Variants in SCUBE1 observed in about 807,000 individuals in gnomAD.
SCUBE1 encodes the protein signal peptide, CUB domain and EGF like domain containing 1.
A neutral mutation model predicts 124.4 loss-of-function variants in SCUBE1; 59 were observed. The observed-to-expected ratio is 0.47, with a 90% CI of 0.38 to 0.59. The LOEUF is 0.59. Ranked by LOEUF, SCUBE1 falls within the 20% of genes least tolerant of loss-of-function variation. The pLI is 0.00. For synonymous variants in SCUBE1, 545 were observed against 550.9 expected, an observed-to-expected ratio of 0.99 and a Z score of 0.15; for missense variants, 1,150 against 1,371.2, an observed-to-expected ratio of 0.84 and a Z score of 2.55.
intron 6 of SCUBE1, among the ~76,000 whole-genome samples, chr22:43,247,812 G>A (rs1923277528): frequency 6.6e-6 from 1 of 152,246 alleles, no homozygotes; most frequent in African/African-American, 2.4e-5. Context: ...GGCTCCTCCT[G>A]AGAATGCAGG....
rs1912157120 is a variant in SCUBE1 at position 43,332,900 on chromosome 22, T to C, written c.220+6204A>G. On this transcript the variant is annotated intron_variant, in intron 2 of 21. Coordinates refer to ENST00000360835, the MANE Select transcript of SCUBE1 (RefSeq NM_173050.5). ...GGATGTTCACAGCTGATAACTCCCC[T>C]GTCTGGGGGACCAGAGATGGCTTCC... 2.0e-5 allele frequency among the ~76,000 whole-genome samples: 3 copies of C among 152,162 alleles called. No individual in the cohort carries two copies. The South Asian group carries it at 6.2e-4, about 32-fold the overall frequency.
At chr22:43,339,597 CTA>C (rs1927202196) in intron 1 of SCUBE1, among the ~76,000 whole-genome samples, 2 of 149,544 alleles carry the variant, frequency 1.3e-5, no homozygotes, top group African/African-American at 5.1e-5. Flanking sequence ...CAGCCCTCCC[CTA>C]CTCTCCTCAC....
intron 2 of SCUBE1, among the ~76,000 whole-genome samples, chr22:43,338,441 A>T (rs2146804011): frequency 6.6e-6 from 1 of 152,344 alleles, no homozygotes; most frequent in East Asian, 1.9e-4. Flanking sequence ...GGGCAAGCCC[A>T]GGTCTTTGCA....
intron 2 of SCUBE1, among the ~76,000 whole-genome samples, chr22:43,330,122 C>T (rs976082759): frequency 9.9e-5 from 15 of 151,934 alleles, no homozygotes; most frequent in Admixed American, 3.3e-4. Flanking sequence ...TCACAGACAG[C>T]GAGGCCCCTT....
At chr22:43,261,160 C>T (rs1225851448) in intron 5 of SCUBE1, among the ~76,000 whole-genome samples, 1 of 152,246 alleles carries the variant, frequency 6.6e-6, no homozygotes. Context: ...ACACGGGGGA[C>T]TGGGAAAGCT....
chr22:43,209,885 C>T lies in SCUBE1; in HGVS notation c.2581+158G>A, dbSNP rs919487926. Among the ~76,000 whole-genome samples the T allele has an allele frequency of 3.9e-5, 6 of 152,354 alleles. No homozygotes were observed. The South Asian group carries it at 1.2e-3, about 32-fold the overall frequency. On this transcript the variant is annotated intron_variant, in intron 19 of 21. Transcript: ENST00000360835. ...GCTCTTAGACCCAAGTGGGTTTCAA[C>T]CCTGCCTCCCAGGTGGACTCTGAGG...
In SCUBE1 at chr22:43,211,004, C is replaced by G; in HGVS notation, c.2301G>C (p.Glu767Asp). 1 of 1,614,148 alleles carries G rather than the reference C, an allele frequency of 6.2e-7. No homozygotes were observed. Among genetic ancestry groups the G allele is most frequent in the Non-Finnish European group, 8.5e-7 (1 of 1,180,024 alleles). ...AGGTGATGCAGTGGTTCTGGCCAAA[C>G]TCGGGCTGGTAGGTGCCGACGGGGC... ...IRCPVGTYQP[E>D]FGQNHCITCP... Residue 767 changes from glutamate to aspartate, a missense_variant, in exon 18 of 22, where the codon GAG becomes GAC. Glu to Asp is a conservative substitution (Grantham distance 45, BLOSUM62 2). Around this residue, in one of 3 missense-constraint regions of SCUBE1, gnomAD observed 757 missense variants for 840.9 expected, o/e 0.90. Transcript: ENST00000360835. This position sits in a 1 kb window ranked among gnomAD's most constrained non-coding sequence, Gnocchi z 4.5.
At chr22:43,246,697 C>T (rs1319214484) in intron 6 of SCUBE1, among the ~76,000 whole-genome samples, 1 of 152,222 alleles carries the variant, frequency 6.6e-6, no homozygotes, top group Non-Finnish European at 1.5e-5. Flanking sequence ...CTGGAGGCTG[C>T]TCAACAGAGG....
In SCUBE1 at chr22:43,206,039, ACT is replaced by A. The variant is rs200189736; in HGVS notation, c.2814+1493_2814+1494del. Among the ~76,000 whole-genome samples, 42 of 121,050 alleles carry A rather than the reference ACT, an allele frequency of 3.5e-4. 2 individuals are homozygous for A. The South Asian group carries it at 8.6e-3, about 25-fold the overall frequency. 79.4% of individuals were successfully genotyped at this position (121,050 alleles called of 152,430 possible). The stretch of plus-strand genomic sequence containing the variant: ...CATACCACACACCCACTCACCACAC[ACT>A]CACCCCCACACACACCACACACCCT... On this transcript the variant is annotated intron_variant, in intron 21 of 21. Coordinates refer to ENST00000360835, the MANE Select transcript of SCUBE1 (RefSeq NM_173050.5).
intron 3 of SCUBE1, among the ~76,000 whole-genome samples, chr22:43,312,312 TG>T (rs1413137360): frequency 6.6e-6 from 1 of 152,104 alleles, no homozygotes; most frequent in Non-Finnish European, 1.5e-5. Flanking sequence ...CTGTGTGGCG[TG>T]GGTCACAGCA....
At chr22:43,238,481 C>T in intron 7 of SCUBE1, 1 of 573,154 alleles carries the variant, frequency 1.7e-6, no homozygotes, top group Non-Finnish European at 3.1e-6. Flanking sequence ...ATTCTACGCG[C>T]CTTGGGAAGC....
chr22:43,262,130 T>G (rs1601838088), intron 5 of SCUBE1, among the ~76,000 whole-genome samples: 1 of 152,330 alleles, frequency 6.6e-6, no homozygotes, highest in South Asian at 2.1e-4. Flanking sequence ...CATCTGCAGT[T>G]AGCCTTGCAG....
chr22:43,325,592 G>A (rs1321833199), intron 2 of SCUBE1, among the ~76,000 whole-genome samples: 3 of 152,266 alleles, frequency 2.0e-5, no homozygotes, highest in African/African-American at 7.2e-5. Context: ...GACAGGGATG[G>A]TTCACATGAA....
At chr22:43,326,637 C>A (rs1926737664) in intron 2 of SCUBE1, among the ~76,000 whole-genome samples, 1 of 152,110 alleles carries the variant, frequency 6.6e-6, no homozygotes. Flanking sequence ...GTAAAACTAA[C>A]ACACATCTAT....
At chr22:43,278,151 T>C (rs1924609604) in intron 4 of SCUBE1, among the ~76,000 whole-genome samples, 1 of 152,244 alleles carries the variant, frequency 6.6e-6, no homozygotes, top group Non-Finnish European at 1.5e-5. Flanking sequence ...GTCCCCACCT[T>C]GAGGGCCATT....
rs753031775 is a variant in SCUBE1 at position 43,223,053 on chromosome 22, A to AC, written c.1327+43dup. On this transcript the variant is annotated intron_variant, in intron 11 of 21. Transcript: ENST00000360835. Reference sequence around the variant, plus strand: ...CAATGGTGGGACCCCAGGGAGGAAGACCCCCCTGCCACAGCATCCCATCTC... The same window carrying AC: ...CAATGGTGGGACCCCAGGGAGGAAGACCCCCCCTGCCACAGCATCCCATCTC... 5.2e-5 allele frequency: 78 copies of AC among 1,489,608 alleles called. 1 individual carries two copies. The highest frequency in any genetic ancestry group is 1.9e-4 in the Middle Eastern group (1 of 5,284). 92.3% of individuals were successfully genotyped at this position (1,489,608 alleles called of 1,614,324 possible).
At chr22:43,213,339 G>A (rs961153939) in intron 16 of SCUBE1, 2 of 152,316 alleles carry the variant, frequency 1.3e-5, no homozygotes, top group African/African-American at 4.8e-5. Context: ...AGCCTGGACG[G>A]ACTCAGGGCT....
intron 3 of SCUBE1, among the ~76,000 whole-genome samples, chr22:43,313,879 A>T (rs1481734341): frequency 3.9e-5 from 6 of 152,214 alleles, no homozygotes; most frequent in Non-Finnish European, 8.8e-5. Flanking sequence ...CATTTCTCCT[A>T]ATCAGCTCAG....
At chr22:43,262,079 G>C (rs567602184) in intron 5 of SCUBE1, among the ~76,000 whole-genome samples, 1 of 152,336 alleles carries the variant, frequency 6.6e-6, no homozygotes, top group South Asian at 2.1e-4. Context: ...TGGTGTCTTT[G>C]GCCAGAGGCC....
Sources: allele counts gnomAD v4.1 joint callset (sites outside exome capture counted in the v4.1 genomes callset), GRCh38; gene constraint gnomAD v4.1.1; regional missense constraint gnomAD v4.1.1; non-coding constraint Gnocchi (gnomAD v3.1); transcripts MANE v1.5; gene names NCBI Gene and HGNC (gene_info 2026-07-23, HGNC 2026-07-21).